Variants in VPS13C observed in about 807,000 individuals in gnomAD.
The protein encoded by VPS13C is intermembrane lipid transfer protein VPS13C.
In VPS13C, 358 loss-of-function variants were observed where a neutral mutation model predicts 456.8. That is an observed-to-expected ratio of 0.78 (90% CI 0.72 to 0.86). The LOEUF is 0.86. VPS13C is among the 40% of genes least tolerant of loss of function. VPS13C has a pLI of 0.00. For missense variants in VPS13C, 4,818 were observed against 4,385.4 expected (o/e 1.10, Z -2.79); for synonymous variants, 1,578 against 1,486.7 (o/e 1.06, Z -1.41).
intron 12 of VPS13C, among the ~76,000 whole-genome samples, chr15:62,011,774 A>C (rs1323324534): frequency 6.6e-6 from 1 of 151,934 alleles, no homozygotes; most frequent in African/African-American, 2.4e-5. Flanking sequence ...AATCTCAGAG[A>C]TTTAGTTACT....
At chr15:61,994,752 G>A (rs539537453) in intron 16 of VPS13C, among the ~76,000 whole-genome samples, 2 of 152,076 alleles carry the variant, frequency 1.3e-5, no homozygotes, top group South Asian at 4.2e-4. Flanking sequence ...ACCACACCCG[G>A]CTAATTTTTG....
chr15:62,048,009 A>G (rs566891866), intron 1 of VPS13C, among the ~76,000 whole-genome samples: 47 of 152,122 alleles, frequency 3.1e-4, no homozygotes, highest in Admixed American at 1.6e-3. Flanking sequence ...AACACATAGA[A>G]GTCATAGAAA....
chr15:61,874,973 T>A (rs757283975), intron 76 of VPS13C, 22 bp from the exon 77 acceptor site: 1 of 1,525,060 alleles, frequency 6.6e-7, no homozygotes. Context: ...AAATAAAAAA[T>A]AATCTTATTA....
chr15:61,876,355 T>C (rs1226066537), intron 75 of VPS13C, among the ~76,000 whole-genome samples: 4 of 152,032 alleles, frequency 2.6e-5, no homozygotes, highest in Admixed American at 2.0e-4. Flanking sequence ...AATTCAGTAA[T>C]TGTTAGTTTT....
chr15:62,045,739 T>C (rs752168274), intron 1 of VPS13C, among the ~76,000 whole-genome samples: 7 of 151,654 alleles, frequency 4.6e-5, no homozygotes, highest in Non-Finnish European at 8.8e-5. Context: ...TATTGCAGTA[T>C]TGGGAGGGAA....
chr15:61,945,512 A>G (rs2044572940), intron 45 of VPS13C, among the ~76,000 whole-genome samples: 1 of 152,234 alleles, frequency 6.6e-6, no homozygotes, highest in Non-Finnish European at 1.5e-5. Context: ...ATAGAATTAC[A>G]GTCTATATCT....
rs754252155 is a variant in VPS13C, at chr15:61,915,724, C to T, written c.8354G>A (p.Arg2785His). 2.2e-5 allele frequency: 36 copies of T among 1,613,908 alleles called. No homozygotes were observed. The highest frequency in any genetic ancestry group is 1.3e-4 in the East Asian group (6 of 44,894). Residue 2785 changes from arginine to histidine, a missense_variant, in exon 61 of 85, where the codon CGT (arginine) becomes CAT (histidine). Transcript: ENST00000644861. ...INKTTRVLQY[R>H]SEDIHVKHPA... ...ATGTTTCACATGAATATCTTCTGAA[C>T]GATACTGGAGAACCCGGGTAGTCTT...
intron 5 of VPS13C, among the ~76,000 whole-genome samples, chr15:62,032,091 T>C (rs141763140): frequency 2.6e-5 from 4 of 152,034 alleles, no homozygotes; most frequent in African/African-American, 4.8e-5. Context: ...GCTATATCAA[T>C]ATATCTAAGT....
rs778716287 is a variant in VPS13C at position 61,863,413 on chromosome 15, T to C, written c.10952+27A>G. 7.0e-6 allele frequency: 11 copies of C among 1,571,960 alleles called. No homozygotes were observed. In the East Asian group the frequency reaches 2.5e-4, roughly 36 times the overall value. ...GTGACCTATGCAACTAAGTACTATT[T>C]GGAAAAATGTCACTTCAAGTCAGTA... On this transcript the variant is annotated intron_variant, in intron 82 of 84. Transcript: ENST00000644861.
rs77862848 is a variant in VPS13C at position 61,895,512 on chromosome 15, T to C, written c.9106-5112A>G. 7.8e-3 allele frequency among the ~76,000 whole-genome samples: 1,189 copies of C among 152,180 alleles called. 6 individuals are homozygous for C. Among genetic ancestry groups the C allele is most frequent in the Non-Finnish European group, 0.014 (959 of 68,002 alleles). ...TAAAATCAGACATGAATAAGGAGACTTATAACAGTTGATACCAAGGAAATA... is the reference window on the plus strand; with the variant it reads ...TAAAATCAGACATGAATAAGGAGACCTATAACAGTTGATACCAAGGAAATA... On this transcript the variant is annotated intron_variant, in intron 66 of 84. Coordinates refer to ENST00000644861, the MANE Select transcript of VPS13C (RefSeq NM_020821.3).
At chr15:61,969,033 G>A (rs991655432) in intron 28 of VPS13C, among the ~76,000 whole-genome samples, 1 of 152,014 alleles carries the variant, frequency 6.6e-6, no homozygotes, top group African/African-American at 2.4e-5. Context: ...TTTAATCATG[G>A]TTCAGTCAAT....
chr15:61,989,467 A>G (rs2046159024), intron 18 of VPS13C, among the ~76,000 whole-genome samples: 2 of 152,130 alleles, frequency 1.3e-5, no homozygotes, highest in Non-Finnish European at 2.9e-5. Context: ...ACACAACTAA[A>G]AGTGAAAAGC....
At chr15:62,037,318 T>TATAA (rs2048070719) in intron 3 of VPS13C, among the ~76,000 whole-genome samples, 1 of 77,546 alleles carries the variant, frequency 1.3e-5, no homozygotes, top group African/African-American at 5.4e-5. Flanking sequence ...ATAAATATAT[T>TATAA]ATATATTATA....
chr15:61,878,793 T>C (rs1202868558), intron 73 of VPS13C, 47 bp from the exon 74 acceptor site: 1 of 1,546,002 alleles, frequency 6.5e-7, no homozygotes, highest in Non-Finnish European at 8.7e-7. Context: ...AAGTGAAAAA[T>C]TTACATATTT....
chr15:61,923,861 C>CTTTTTTTTTT (rs1188960583), intron 53 of VPS13C, among the ~76,000 whole-genome samples: 16 of 75,146 alleles, frequency 2.1e-4, no homozygotes, highest in Non-Finnish European at 2.4e-4. Context: ...CCCTCTAAAT[C>CTTTTTTTTTT]TTTTTTTTTT....
chr15:62,025,704 G>C (rs1363185796), intron 6 of VPS13C, among the ~76,000 whole-genome samples: 1 of 152,026 alleles, frequency 6.6e-6, no homozygotes, highest in Non-Finnish European at 1.5e-5. Flanking sequence ...GCTCTTTAGA[G>C]AAAGTTTCTA....
intron 47 of VPS13C, 113 bp downstream of exon 47, chr15:61,940,534 A>T: frequency 9.4e-7 from 1 of 1,059,906 alleles, no homozygotes; most frequent in Non-Finnish European, 1.3e-6. Context: ...AAACTGGTTT[A>T]GCTTTATCAA....
At position 61,909,058 on chromosome 15, in the gene VPS13C, T is replaced by A. The variant is rs747886258; in HGVS notation, c.8912A>T (p.His2971Leu). The A allele has an allele frequency of 5.6e-6, 9 of 1,613,898 alleles. No homozygotes were observed. Among genetic ancestry groups the A allele is most frequent in the Non-Finnish European group, 7.6e-6 (9 of 1,179,976 alleles). Residue 2971 changes from histidine to leucine, a missense_variant, in exon 65 of 85, where the codon CAT becomes CTT. Coordinates refer to ENST00000644861, the MANE Select transcript of VPS13C (RefSeq NM_020821.3). ...TATCAAGGCAGGTGCAGATCCCTCA[T>A]GGTAATCAGAAAAAGTTATGACAGT... ...HSTVITFSDY[H>L]EGSAPALIMN...
chr15:61,884,416 G>T, intron 67 of VPS13C, 147 bp from the exon 68 acceptor site: 1 of 812,304 alleles, frequency 1.2e-6, no homozygotes, highest in African/African-American at 1.8e-5. Context: ...CTATACCTGT[G>T]TTGCAAGAGT....
Sources: allele counts gnomAD v4.1 joint callset (sites outside exome capture counted in the v4.1 genomes callset), GRCh38; gene constraint gnomAD v4.1.1; transcripts MANE v1.5; gene names NCBI Gene and HGNC (gene_info 2026-07-23, HGNC 2026-07-21).